TADA2A: variants seen among roughly 807,000 people sequenced by gnomAD.
TADA2A encodes the protein transcriptional adapter 2-alpha.
Under a neutral mutation model 67.4 loss-of-function variants are expected in TADA2A, and 38 were observed. The ratio of observed to expected loss-of-function variants is 0.56; its 90% CI spans 0.44 to 0.74. The LOEUF is 0.74. TADA2A is among the 30% of genes least tolerant of loss of function. The pLI, the probability that TADA2A is intolerant of heterozygous loss-of-function variation, is 0.00. For missense variants in TADA2A, 454 were observed against 547.0 expected (o/e 0.83, Z 1.70); for synonymous variants, 192 against 181.6 (o/e 1.06, Z -0.46).
chr17:37,452,423 A>G (rs749524824), intron 8 of TADA2A, among the ~76,000 whole-genome samples: 1 of 152,134 alleles, frequency 6.6e-6, no homozygotes, highest in African/African-American at 2.4e-5. Context: ...ATCCTGAAAT[A>G]TGGTAAGTAC....
At chr17:37,462,709 T>A (rs543648132) in intron 10 of TADA2A, among the ~76,000 whole-genome samples, 2 of 152,328 alleles carry the variant, frequency 1.3e-5, no homozygotes, top group East Asian at 1.9e-4. Flanking sequence ...AATTCTTTTT[T>A]AAAAATTTGT....
chr17:37,449,319 C>A (rs1167858458), intron 8 of TADA2A, among the ~76,000 whole-genome samples: 2 of 152,190 alleles, frequency 1.3e-5, no homozygotes, highest in Non-Finnish European at 2.9e-5. Context: ...CCGTGCCCGG[C>A]CTGATTTCAC....
rs374854508 is a variant in TADA2A, at chr17:37,462,131, A to G, written c.712+10A>G. 2.6e-6 allele frequency: 4 copies of G among 1,517,122 alleles called. No individual in the cohort carries two copies. The African/African-American group carries it at 4.2e-5, about 16-fold the overall frequency. The allele number at this position is 1,517,122 out of a possible 1,614,324, so 94.0% of individuals were successfully genotyped here. A position where few individuals can be genotyped will look rare whatever the true frequency, so the allele number is the denominator to read the frequency against. On this transcript the variant is annotated intron_variant, in intron 10 of 15. Coordinates refer to ENST00000615182, the MANE Select transcript of TADA2A (RefSeq NM_001166105.3). ...CTTAGAAAGTTTCAATGTAAGTATTAGCAGTTTTCTTTATTTTACAATTTT... is the reference window on the plus strand; with the variant it reads ...CTTAGAAAGTTTCAATGTAAGTATTGGCAGTTTTCTTTATTTTACAATTTT...
intron 8 of TADA2A, among the ~76,000 whole-genome samples, chr17:37,456,738 A>G (rs151169265): frequency 6.6e-6 from 1 of 152,318 alleles, no homozygotes; most frequent in Non-Finnish European, 1.5e-5. Flanking sequence ...GTTTGAAATT[A>G]TGCATTTTGA....
rs897407120 is a variant in TADA2A at position 37,466,142 on chromosome 17, C to T, written c.823+601C>T. Among the ~76,000 whole-genome samples, 7 of 152,004 alleles carry T rather than the reference C, an allele frequency of 4.6e-5. No homozygotes were observed. The East Asian group carries it at 7.7e-4, about 17-fold the overall frequency. On this transcript the variant is annotated intron_variant, in intron 11 of 15. Transcript: ENST00000615182. Reference sequence around the variant, plus strand: ...AAAAAATTAAAAGTTGTTATGAGGCCGGGCGTGGTGGCTCACACCTGTAAT... The same window carrying T: ...AAAAAATTAAAAGTTGTTATGAGGCTGGGCGTGGTGGCTCACACCTGTAAT...
chr17:37,423,553 C>G lies in TADA2A; in HGVS notation c.70C>G (p.Leu24Val). Residue 24 changes from leucine (L) to valine (V), a missense_variant, in exon 3 of 16, where the codon CTC (leucine) becomes GTC (valine). Leu to Val is a conservative substitution (Grantham distance 32, BLOSUM62 1). Around this residue, in one of 2 missense-constraint regions of TADA2A, gnomAD observed 403 missense variants for 455.5 expected, o/e 0.88. Coordinates refer to ENST00000615182, the MANE Select transcript of TADA2A (RefSeq NM_001166105.3). ...KPPCRGCSSY[L>V]MEPYIKCAEC... ...ACCTTGCCGAGGCTGCTCCTCCTAC[C>G]TCATGGAGCCTTATATCAAGTGTGC... 6.2e-7 allele frequency: 1 copy of G among 1,613,254 alleles called. No individual in the cohort carries two copies. The highest frequency in any genetic ancestry group is 8.5e-7 in the Non-Finnish European group (1 of 1,179,852).
chr17:37,441,806 A>C (rs953476557), intron 6 of TADA2A, among the ~76,000 whole-genome samples: 1 of 151,826 alleles, frequency 6.6e-6, no homozygotes, highest in Non-Finnish European at 1.5e-5. Context: ...AGCTGGTACC[A>C]CAGGTGCATG....
intron 6 of TADA2A, among the ~76,000 whole-genome samples, chr17:37,441,598 C>T (rs1416427384): frequency 6.6e-6 from 1 of 152,024 alleles, no homozygotes; most frequent in East Asian, 1.9e-4. Context: ...TTTTCACTTC[C>T]CTTTTCTCTT....
At position 37,458,640 on chromosome 17, in the gene TADA2A, TGTG is replaced by T. The variant is rs2053463894; in HGVS notation, c.668+54_668+56del. The T allele has an allele frequency of 1.8e-3, 626 of 341,916 alleles. 9 individuals are homozygous for T. Among genetic ancestry groups the T allele is most frequent in the Middle Eastern group, 5.5e-3 (6 of 1,096 alleles). The allele number at this position is 341,916 out of a possible 1,614,324, so 21.2% of individuals were successfully genotyped here. A position where few individuals can be genotyped will look rare whatever the true frequency, so the allele number is the denominator to read the frequency against. ...CTTTCAGCTTTGGATTATTGTTTTG[TGTG>T]TGTGTGTGTGTGTGTGTGTGTGTGT... On this transcript the variant is annotated intron_variant, in intron 9 of 15. Transcript: ENST00000615182.
chr17:37,471,060 T>A, intron 13 of TADA2A, 34 bp from the exon 14 acceptor site: 1 of 1,613,552 alleles, frequency 6.2e-7, no homozygotes, highest in Non-Finnish European at 8.5e-7. Context: ...TTGTTTGATA[T>A]GACCTAAGTT....
intron 8 of TADA2A, among the ~76,000 whole-genome samples, chr17:37,457,169 C>G (rs1210499197): frequency 6.9e-6 from 1 of 145,926 alleles, no homozygotes; most frequent in African/African-American, 2.5e-5. Flanking sequence ...TGACCACAAT[C>G]ATTATTCTTT....
intron 4 of TADA2A, chr17:37,436,251 T>G (rs1483532303): frequency 3.9e-5 from 6 of 152,232 alleles, no homozygotes; most frequent in African/African-American, 1.4e-4. Context: ...TTTAGTCAAA[T>G]TAAGTGTTTC....
At chr17:37,411,167 C>T in intron 1 of TADA2A, 102 bp from the exon 2 acceptor site, 1 of 597,814 alleles carries the variant, frequency 1.7e-6, no homozygotes, top group Non-Finnish European at 3.0e-6. Context: ...TTCAACATTA[C>T]AAAGCTAAGA....
chr17:37,411,697 T>TG (rs2051877576), intron 2 of TADA2A, among the ~76,000 whole-genome samples: 1 of 151,532 alleles, frequency 6.6e-6, no homozygotes, highest in Admixed American at 6.6e-5. Flanking sequence ...CCCAAAGTGC[T>TG]GGGATTACAG....
intron 4 of TADA2A, among the ~76,000 whole-genome samples, chr17:37,433,652 C>T (rs539914317): frequency 7.9e-5 from 12 of 151,198 alleles, no homozygotes; most frequent in East Asian, 3.9e-4. Context: ...CACAAGACCC[C>T]GTCTCAAAGA....
chr17:37,460,827 C>G (rs779707073), intron 9 of TADA2A, among the ~76,000 whole-genome samples: 1 of 151,992 alleles, frequency 6.6e-6, no homozygotes, highest in Non-Finnish European at 1.5e-5. Context: ...ACAGTGATAT[C>G]TCAGCAATAA....
At chr17:37,408,235 C>T (rs1267967841) in intron 1 of TADA2A, 1 of 152,566 alleles carries the variant, frequency 6.6e-6, no homozygotes, top group African/African-American at 2.4e-5. Flanking sequence ...GACTGTGCAT[C>T]CTTTACTGGA....
Position 37,476,628 on chromosome 17 carries a change from T to C in TADA2A, c.1147-169T>C, listed in dbSNP as rs151029001. On this transcript the variant is annotated intron_variant, in intron 15 of 15. Coordinates refer to ENST00000615182, the MANE Select transcript of TADA2A (RefSeq NM_001166105.3). ...TTCCTGGGTGTGTGTCCTTAGGGAG[T>C]GTTCTCTCCAGAGAGGAAGAGACTA... is the stretch of plus-strand genomic sequence containing the variant. Among the ~76,000 whole-genome samples the C allele has an allele frequency of 1.8e-3, 278 of 152,224 alleles. 2 individuals carry two copies. The highest frequency in any genetic ancestry group is 3.3e-3 in the Non-Finnish European group (222 of 68,024).
chr17:37,412,974 C>G (rs1597840297), intron 2 of TADA2A, among the ~76,000 whole-genome samples: 2 of 152,110 alleles, frequency 1.3e-5, no homozygotes, highest in South Asian at 4.2e-4. Context: ...ATTACCCAGG[C>G]TGGAGTGCAG....
Sources: gnomAD v4.1 joint callset for allele counts (sites outside exome capture counted in the v4.1 genomes callset) on GRCh38, gnomAD v4.1.1 for gene constraint, gnomAD v4.1.1 regional missense constraint, MANE v1.5 for transcripts, NCBI Gene and HGNC (gene_info 2026-07-23, HGNC 2026-07-21) for gene names.